Variants in AKT3 observed in about 807,000 individuals in gnomAD.
AKT3 encodes AKT serine/threonine kinase 3, also known as RAC-gamma serine/threonine-protein kinase.
A neutral mutation model predicts 65.3 loss-of-function variants in AKT3; 15 were observed. The ratio of observed to expected loss-of-function variants is 0.23; its 90% CI spans 0.15 to 0.35. The LOEUF (loss-of-function observed/expected upper bound fraction) is 0.35. AKT3 is among the 10% of genes least tolerant of loss of function. The pLI is 1.00. For synonymous variants in AKT3, 206 were observed against 183.8 expected, an observed-to-expected ratio of 1.12 and a Z score of -0.98; for missense variants, 243 against 576.5, an observed-to-expected ratio of 0.42 and a Z score of 5.92.
In AKT3 at chr1:243,634,669, C is replaced by A. The variant is rs546736456; in HGVS notation, c.561+2942G>T. 5.9e-5 allele frequency among the ~76,000 whole-genome samples: 9 copies of A among 151,714 alleles called. No individual in the cohort carries two copies. In the South Asian group the frequency reaches 1.9e-3, roughly 32 times the overall value. On this transcript the variant is annotated intron_variant, in intron 6 of 13. Transcript: ENST00000673466. ...AGAAAAGGGGTGGCTATATTAATAT[C>A]AGACAAAATAGACTTTAAATGAAAA...
At position 243,503,434 on chromosome 1, in the gene AKT3, G is replaced by A. The variant is rs1261314314; in HGVS notation, c.*1815C>T. On this transcript the variant is annotated 3_prime_UTR_variant, in exon 14 of 14. Transcript: ENST00000673466. ...AATCATAATACTACGTCATGCTGTA[G>A]TCTTCCGTTTGGGAGCTGTCAGAGT... 1 of 233,440 alleles carries A rather than the reference G, an allele frequency of 4.3e-6. No individual in the cohort carries two copies. Among genetic ancestry groups the A allele is most frequent in the Non-Finnish European group, 8.5e-6 (1 of 117,990 alleles). The allele number at this position is 233,440 out of a possible 1,614,324, so 14.5% of individuals were successfully genotyped here.
intron 2 of AKT3, among the ~76,000 whole-genome samples, chr1:243,769,258 A>G (rs764478385): frequency 6.6e-6 from 1 of 152,176 alleles, no homozygotes; most frequent in Non-Finnish European, 1.5e-5. Flanking sequence ...AATTACGAAT[A>G]CTACTACTAC....
chr1:243,792,217 A>C (rs1007968311), intron 2 of AKT3, among the ~76,000 whole-genome samples: 2 of 152,206 alleles, frequency 1.3e-5, no homozygotes, highest in Non-Finnish European at 2.9e-5. Context: ...GTAATAACAA[A>C]GGCTACCATC....
chr1:243,733,478 G>A (rs1687673510), intron 2 of AKT3, among the ~76,000 whole-genome samples: 1 of 152,186 alleles, frequency 6.6e-6, no homozygotes. Context: ...AGCTACAGCT[G>A]TAACTACATT....
rs1671117704 is a variant in AKT3, at chr1:243,526,778, T to TAAAAAAAAAAAAAAAAAAAAA, written c.1252-14353_1252-14352insTTTTTTTTTTTTTTTTTTTTT. On this transcript the variant is annotated intron_variant, in intron 12 of 13. Coordinates refer to ENST00000673466, the MANE Select transcript of AKT3 (RefSeq NM_005465.7). ...TTGCCAGCTGCACTACAAAAAATGG[T>TAAAAAAAAAAAAAAAAAAAAA]TAAAAAAAAAAAAAAAAAAAAAAAA... Among the ~76,000 whole-genome samples, 21 of 55,726 alleles carry TAAAAAAAAAAAAAAAAAAAAA rather than the reference T, an allele frequency of 3.8e-4. 5 individuals carry two copies. The highest frequency in any genetic ancestry group is 4.8e-4 in the African/African-American group (8 of 16,498). 36.6% of individuals were successfully genotyped at this position (55,726 alleles called of 152,430 possible). A position where few individuals can be genotyped will look rare whatever the true frequency, so the allele number is the denominator to read the frequency against.
At chr1:243,683,574 T>C (rs997961458) in intron 3 of AKT3, among the ~76,000 whole-genome samples, 2 of 152,070 alleles carry the variant, frequency 1.3e-5, no homozygotes, top group Non-Finnish European at 2.9e-5. Flanking sequence ...TGATACTAAT[T>C]ATATGTAGGG....
intron 2 of AKT3, among the ~76,000 whole-genome samples, chr1:243,752,459 A>G (rs1688867338): frequency 1.3e-5 from 2 of 152,208 alleles, no homozygotes; most frequent in Admixed American, 6.5e-5. Context: ...TAAATTTCAC[A>G]TAATAATAGG....
At chr1:243,799,645 A>G (rs913802930) in intron 2 of AKT3, among the ~76,000 whole-genome samples, 1 of 152,346 alleles carries the variant, frequency 6.6e-6, no homozygotes. Flanking sequence ...GTCTGGCCAT[A>G]GGGTGGTTAA....
intron 2 of AKT3, among the ~76,000 whole-genome samples, chr1:243,759,456 AAACTT>A (rs1689354404): frequency 6.6e-6 from 1 of 152,018 alleles, no homozygotes; most frequent in African/African-American, 2.4e-5. Context: ...AGTACAATAA[AAACTT>A]AGGTGAAAGC....
At chr1:243,732,916 C>T (rs777961434) in intron 2 of AKT3, among the ~76,000 whole-genome samples, 9 of 152,228 alleles carry the variant, frequency 5.9e-5, no homozygotes, top group Non-Finnish European at 1.2e-4. Flanking sequence ...CAACAACAAT[C>T]ATCTGCATAA....
chr1:243,511,914 A>T (rs190468699), intron 13 of AKT3, among the ~76,000 whole-genome samples: 322 of 152,376 alleles, frequency 2.1e-3, no homozygotes, highest in Non-Finnish European at 3.6e-3. Flanking sequence ...ATGAATTTTA[A>T]AACTATTAAG....
intron 4 of AKT3, among the ~76,000 whole-genome samples, chr1:243,648,161 G>C (rs1572096011): frequency 6.6e-6 from 1 of 151,344 alleles, no homozygotes; most frequent in African/African-American, 2.4e-5. Context: ...GGGAGACTGA[G>C]ACATGAGAAT....
intron 8 of AKT3, chr1:243,613,174 C>T (rs553711308): frequency 2.0e-5 from 2 of 98,522 alleles, no homozygotes; most frequent in African/African-American, 6.7e-5. Flanking sequence ...TATATATACA[C>T]CCTCATATAT....
At chr1:243,568,772 G>A (rs1674355288) in intron 9 of AKT3, among the ~76,000 whole-genome samples, 2 of 152,122 alleles carry the variant, frequency 1.3e-5, no homozygotes, top group African/African-American at 4.8e-5. Flanking sequence ...AGGTTAACTG[G>A]ACAAGATGCT....
intron 2 of AKT3, among the ~76,000 whole-genome samples, chr1:243,804,502 A>ATTT: frequency 6.6e-6 from 1 of 152,332 alleles, no homozygotes. Flanking sequence ...CATAGTTATC[A>ATTT]TTTTTGTGGT....
intron 3 of AKT3, among the ~76,000 whole-genome samples, chr1:243,683,165 A>G (rs1440084368): frequency 2.6e-5 from 4 of 152,156 alleles, no homozygotes; most frequent in Non-Finnish European, 5.9e-5. Flanking sequence ...AACCACTCTG[A>G]GTTCCTTTAA....
intron 3 of AKT3, among the ~76,000 whole-genome samples, chr1:243,677,416 C>T (rs373028755): frequency 1.3e-4 from 20 of 152,066 alleles, no homozygotes; most frequent in African/African-American, 4.8e-4. Flanking sequence ...AATCTAAGCA[C>T]ATACAGACTG....
At chr1:243,655,729 G>A (rs1246132637) in intron 4 of AKT3, among the ~76,000 whole-genome samples, 3 of 152,124 alleles carry the variant, frequency 2.0e-5, no homozygotes, top group Non-Finnish European at 4.4e-5. Flanking sequence ...ACAGGGTACA[G>A]TCCTTTAAGC....
At chr1:243,849,979 G>GGCCCGGA (rs1251372700) in intron 1 of AKT3, 61 bp downstream of exon 1, 2 of 968,828 alleles carry the variant, frequency 2.1e-6, no homozygotes, top group Non-Finnish European at 1.2e-6. Flanking sequence ...CGGGGCCCGG[G>GGCCCGGA]GCCCGGAGGG....
Sources: allele counts gnomAD v4.1 joint callset (sites outside exome capture counted in the v4.1 genomes callset), GRCh38; gene constraint gnomAD v4.1.1; transcripts MANE v1.5; gene names NCBI Gene and HGNC (gene_info 2026-07-23, HGNC 2026-07-21).